The following DENND2C variants were observed in gnomAD, a reference collection of about 807,000 sequenced individuals.
DENND2C encodes DENN domain-containing protein 2C.
In DENND2C, 72 loss-of-function variants were observed where a neutral mutation model predicts 112.4. The ratio of observed to expected loss-of-function variants is 0.64; its 90% CI spans 0.53 to 0.78. The LOEUF (loss-of-function observed/expected upper bound fraction) is 0.78. Ranked by LOEUF, DENND2C falls within the 30% of genes least tolerant of loss-of-function variation. DENND2C has a pLI of 0.00. For synonymous variants in DENND2C, 329 were observed against 381.6 expected (o/e 0.86, Z 1.61); for missense variants, 992 against 1,113.8 (o/e 0.89, Z 1.56).
chr1:114,598,749 T>A (rs1403068422), intron 16 of DENND2C, among the ~76,000 whole-genome samples: 1 of 152,222 alleles, frequency 6.6e-6, no homozygotes, highest in Non-Finnish European at 1.5e-5. Context: ...TGGCATGATC[T>A]CGGCTCACTG....
intron 16 of DENND2C, among the ~76,000 whole-genome samples, chr1:114,598,234 T>C (rs1446395010): frequency 2.0e-5 from 3 of 152,152 alleles, no homozygotes; most frequent in Non-Finnish European, 4.4e-5. Context: ...TGTTCAACTG[T>C]AGAATGGATA....
intron 13 of DENND2C, 117 bp downstream of exon 13, chr1:114,601,391 G>T: frequency 3.2e-6 from 3 of 939,070 alleles, no homozygotes; most frequent in Non-Finnish European, 4.8e-6. Flanking sequence ...CTTCAGGCAC[G>T]TGGTTCCTAG....
intron 8 of DENND2C, among the ~76,000 whole-genome samples, chr1:114,615,324 C>G (rs150005910): frequency 1.3e-5 from 2 of 151,982 alleles, no homozygotes; most frequent in South Asian, 4.1e-4. Flanking sequence ...AAAAAATACA[C>G]GGAAAAGAGA....
At chr1:114,653,695 G>T (rs570345666) in intron 2 of DENND2C, among the ~76,000 whole-genome samples, 2 of 152,130 alleles carry the variant, frequency 1.3e-5, no homozygotes, top group South Asian at 4.2e-4. Context: ...GTGGAATAAT[G>T]GACCTTTTAA....
At chr1:114,594,739 T>G (rs1168083436) in intron 17 of DENND2C, among the ~76,000 whole-genome samples, 161 bp from the exon 18 acceptor site, 1 of 152,240 alleles carries the variant, frequency 6.6e-6, no homozygotes, top group Non-Finnish European at 1.5e-5. Context: ...GAATCTTTCA[T>G]GTTTATGGTG....
At chr1:114,623,188 T>TA in intron 5 of DENND2C, 89 bp from the exon 6 acceptor site, 3 of 1,243,266 alleles carry the variant, frequency 2.4e-6, no homozygotes, top group Non-Finnish European at 3.3e-6. Flanking sequence ...AAGCTAACTA[T>TA]GTTCAGCTTT....
At chr1:114,646,192 G>C (rs946296440) in intron 2 of DENND2C, among the ~76,000 whole-genome samples, 2 of 152,122 alleles carry the variant, frequency 1.3e-5, no homozygotes, top group Non-Finnish European at 2.9e-5. Flanking sequence ...CTCCCAAAGT[G>C]CTGGGATTAC....
At chr1:114,589,621 T>C (rs930734517) in intron 18 of DENND2C, among the ~76,000 whole-genome samples, 1 of 151,994 alleles carries the variant, frequency 6.6e-6, no homozygotes. Flanking sequence ...CCTCCCAAAG[T>C]GCTTGAGATC....
chr1:114,585,534 A>C lies in DENND2C; in HGVS notation c.*66T>G. On this transcript the variant is annotated 3_prime_UTR_variant, in exon 21 of 21. Coordinates refer to ENST00000393274, the MANE Select transcript of DENND2C (RefSeq NM_001256404.2). ...TTGTAGAATACTTCATGGGATCCTG[A>C]CCCTTAGAAAAATATTTTCTTTGGC... is the stretch of plus-strand genomic sequence containing the variant. The C allele has an allele frequency of 6.4e-7, 1 of 1,553,224 alleles. No homozygotes were observed. The highest frequency in any genetic ancestry group is 8.9e-7 in the Non-Finnish European group (1 of 1,127,534).
chr1:114,617,990 A>AT (rs11284335), intron 8 of DENND2C, among the ~76,000 whole-genome samples: 155 of 144,470 alleles, frequency 1.1e-3, no homozygotes, highest in Middle Eastern at 3.5e-3. Flanking sequence ...AGTAAACCAA[A>AT]TTTTTTTTTT....
At position 114,663,664 on chromosome 1, in the gene DENND2C, A is replaced by C. The variant is rs997871686; in HGVS notation, c.-574+6319T>G. Among the ~76,000 whole-genome samples, 4 of 152,230 alleles carry C rather than the reference A, an allele frequency of 2.6e-5. No individual in the cohort carries two copies. In the East Asian group the frequency reaches 7.7e-4, roughly 29 times the overall value. On this transcript the variant is annotated intron_variant, in intron 1 of 20. Coordinates refer to ENST00000393274, the MANE Select transcript of DENND2C (RefSeq NM_001256404.2). The stretch of plus-strand genomic sequence containing the variant: ...CTGTTTTTGCAAGGCCTCTGAGTTA[A>C]GAGTGGTTTTTACATTTTTTAATGG...
intron 8 of DENND2C, 67 bp from the exon 9 acceptor site, chr1:114,611,184 A>T: frequency 6.4e-7 from 1 of 1,573,202 alleles, no homozygotes; most frequent in Admixed American, 1.7e-5. Context: ...GATGAGAACA[A>T]TGTAAACCCA....
chr1:114,657,057 G>C (rs1021303041), intron 1 of DENND2C, among the ~76,000 whole-genome samples: 1 of 152,186 alleles, frequency 6.6e-6, no homozygotes, highest in African/African-American at 2.4e-5. Context: ...GGCCAAGTAG[G>C]CATATGTTTA....
At chr1:114,635,493 G>A (rs1251639146) in intron 3 of DENND2C, among the ~76,000 whole-genome samples, 1 of 152,134 alleles carries the variant, frequency 6.6e-6, no homozygotes, top group Non-Finnish European at 1.5e-5. Context: ...ATTCCAGCCT[G>A]GGTGACAGAG....
rs762905349 is a variant in DENND2C, at chr1:114,587,912, C to A, written c.2472G>T (p.Arg824Ser). 6.2e-7 allele frequency: 1 copy of A among 1,613,988 alleles called. No homozygotes were observed. The highest frequency in any genetic ancestry group is 1.7e-5 in the Admixed American group (1 of 59,994). The change falls in exon 19 of 21, where the codon AGG becomes AGT. Residue 824 changes from arginine (R) to serine (S), a missense_variant. Arg to Ser is a moderately radical substitution (Grantham distance 110, BLOSUM62 -1). This residue lies in a region of DENND2C where 516 missense variants were observed against 623.6 expected (regional missense o/e 0.83). Transcript: ENST00000393274. ...AATGTCCTACCAACTCCACAAAAAA[C>A]CTGACAAATGCTTCGGACACCAGAG... ...LNSLVSEAFVRFFVELVGHYS... is the reference protein window; with the variant it reads ...LNSLVSEAFVSFFVELVGHYS...
At chr1:114,635,744 C>T (rs1230769228) in intron 3 of DENND2C, among the ~76,000 whole-genome samples, 2 of 152,158 alleles carry the variant, frequency 1.3e-5, no homozygotes, top group Non-Finnish European at 2.9e-5. Flanking sequence ...CGATCACTCA[C>T]ACCTGTAATC....
intron 3 of DENND2C, among the ~76,000 whole-genome samples, chr1:114,627,740 T>G (rs548370752): frequency 4.6e-5 from 7 of 152,288 alleles, no homozygotes; most frequent in Admixed American, 1.3e-4. Context: ...TCTGCTACTG[T>G]TGATTATTAA....
chr1:114,660,504 T>C (rs897494375), intron 1 of DENND2C, among the ~76,000 whole-genome samples: 4 of 152,116 alleles, frequency 2.6e-5, no homozygotes, highest in African/African-American at 7.2e-5. Flanking sequence ...TCAGCTGTAT[T>C]GTTTTGACTA....
Position 114,597,735 on chromosome 1 carries a change from A to G in DENND2C, c.2283+1539T>C, listed in dbSNP as rs567131381. The stretch of plus-strand genomic sequence containing the variant: ...GAGGCAGAAGTTGCAGTGAGCTGAG[A>G]TCACGCCACTGCACTCCAGCCTGGG... On this transcript the variant is annotated intron_variant, in intron 16 of 20. Transcript: ENST00000393274. 5.9e-5 allele frequency among the ~76,000 whole-genome samples: 9 copies of G among 152,316 alleles called. No individual in the cohort carries two copies. The East Asian group carries it at 1.3e-3, about 23-fold the overall frequency.
Sources: allele counts gnomAD v4.1 joint callset (sites outside exome capture counted in the v4.1 genomes callset), GRCh38; gene constraint gnomAD v4.1.1; regional missense constraint gnomAD v4.1.1; transcripts MANE v1.5; gene names NCBI Gene and HGNC (gene_info 2026-07-23, HGNC 2026-07-21).